The following SRPK2 variants were observed in gnomAD, a reference collection of about 807,000 sequenced individuals.
SRPK2 encodes the protein SRSF protein kinase 2.
In SRPK2, 21 loss-of-function variants were observed where a neutral mutation model predicts 90.8. The observed-to-expected ratio is 0.23, with a 90% CI of 0.16 to 0.33. The LOEUF is 0.33. SRPK2 is among the 10% of genes least tolerant of loss of function. SRPK2 has a pLI of 1.00. For synonymous variants in SRPK2, 288 were observed against 311.1 expected, an observed-to-expected ratio of 0.93 and a Z score of 0.78; for missense variants, 620 against 869.0, an observed-to-expected ratio of 0.71 and a Z score of 3.60.
chr7:105,362,917 C>G (rs564500576), intron 2 of SRPK2, among the ~76,000 whole-genome samples: 8 of 152,270 alleles, frequency 5.3e-5, no homozygotes, highest in African/African-American at 1.9e-4. Flanking sequence ...TGGAAACCAT[C>G]ATTCTAAGCA....
chr7:105,124,657 A>AAAAAAAAAAAAAAAAAC (rs1562954925), intron 15 of SRPK2, among the ~76,000 whole-genome samples: 2 of 150,306 alleles, frequency 1.3e-5, no homozygotes, highest in Non-Finnish European at 3.0e-5. Context: ...AAAAAAAAAA[A>AAAAAAAAAAAAAAAAAC]AATCAATGTG....
chr7:105,343,385 G>A (rs1194189971), intron 2 of SRPK2, among the ~76,000 whole-genome samples: 1 of 152,116 alleles, frequency 6.6e-6, no homozygotes, highest in Non-Finnish European at 1.5e-5. Context: ...AGTAAGCCAA[G>A]GTTTCACCAA....
chr7:105,291,271 A>G (rs1254454389), intron 2 of SRPK2, among the ~76,000 whole-genome samples: 1 of 152,200 alleles, frequency 6.6e-6, no homozygotes. Flanking sequence ...AGTAGGGCAG[A>G]AATAAAATGA....
chr7:105,379,372 G>A (rs936387906), intron 2 of SRPK2, among the ~76,000 whole-genome samples: 2 of 152,102 alleles, frequency 1.3e-5, no homozygotes, highest in African/African-American at 4.8e-5. Context: ...ACAGGAGGAT[G>A]TGTGAAGGTT....
At chr7:105,196,618 C>T (rs144350731) in intron 3 of SRPK2, among the ~76,000 whole-genome samples, 148 of 152,350 alleles carry the variant, frequency 9.7e-4, no homozygotes, top group African/African-American at 3.4e-3. Flanking sequence ...GGGTCAAAAC[C>T]GCACCCAGCG....
chr7:105,132,769 C>T, intron 13 of SRPK2, 22 bp downstream of exon 13: 1 of 1,583,354 alleles, frequency 6.3e-7, no homozygotes, highest in Non-Finnish European at 8.6e-7. Context: ...CCCATGGCAG[C>T]AAAGGGCACA....
intron 2 of SRPK2, among the ~76,000 whole-genome samples, chr7:105,378,109 C>A (rs1820520894): frequency 6.6e-6 from 1 of 152,152 alleles, no homozygotes; most frequent in Non-Finnish European, 1.5e-5. Context: ...ACCTGCTTGA[C>A]ATTCCAAGAC....
At chr7:105,231,061 G>A (rs867366137) in intron 2 of SRPK2, among the ~76,000 whole-genome samples, 4 of 151,964 alleles carry the variant, frequency 2.6e-5, no homozygotes, top group African/African-American at 7.3e-5. Flanking sequence ...TAGTTAATTC[G>A]TCTGCCCCTC....
At chr7:105,125,988 C>A in intron 15 of SRPK2, 1 of 659,524 alleles carries the variant, frequency 1.5e-6, no homozygotes, top group Non-Finnish European at 2.5e-6. Flanking sequence ...ACTTGAATGA[C>A]CAAAAGTACA....
intron 2 of SRPK2, among the ~76,000 whole-genome samples, chr7:105,233,263 A>T (rs1443827092): frequency 1.3e-5 from 2 of 152,210 alleles, no homozygotes; most frequent in Admixed American, 1.3e-4. Flanking sequence ...ATCGCATCTG[A>T]AACTAAGCAG....
intron 3 of SRPK2, among the ~76,000 whole-genome samples, chr7:105,183,262 AGAGAAT>A: frequency 6.6e-6 from 1 of 152,350 alleles, no homozygotes; most frequent in East Asian, 1.9e-4. Context: ...AAAAAACCCT[AGAGAAT>A]AAGAGCTCAC....
chr7:105,163,405 G>C (rs1227594501), intron 6 of SRPK2, among the ~76,000 whole-genome samples: 1 of 152,084 alleles, frequency 6.6e-6, no homozygotes, highest in African/African-American at 2.4e-5. Context: ...CAAATAAATC[G>C]GCAGTTTACA....
At chr7:105,250,444 GA>G (rs1430659959) in intron 2 of SRPK2, among the ~76,000 whole-genome samples, 3 of 152,136 alleles carry the variant, frequency 2.0e-5, no homozygotes, top group Non-Finnish European at 2.9e-5. Context: ...TGCATCACTG[GA>G]CAAAAGTTGG....
chr7:105,297,493 T>C, intron 2 of SRPK2: 1 of 985,400 alleles, frequency 1.0e-6, no homozygotes, highest in Non-Finnish European at 1.2e-6. Flanking sequence ...GCCCCTCAGA[T>C]GTATCAACAT....
intron 11 of SRPK2, among the ~76,000 whole-genome samples, chr7:105,135,859 G>C (rs927999286): frequency 4.0e-5 from 6 of 151,266 alleles, no homozygotes; most frequent in Non-Finnish European, 8.8e-5. Flanking sequence ...CCACCTCCTA[G>C]ATTCAAGCAA....
At chr7:105,219,763 A>C (rs1281976157) in intron 2 of SRPK2, among the ~76,000 whole-genome samples, 3 of 152,242 alleles carry the variant, frequency 2.0e-5, no homozygotes, top group African/African-American at 7.2e-5. Context: ...AGTGATCATA[A>C]ACTTTTAAAA....
chr7:105,354,928 T>C (rs889212090), intron 2 of SRPK2, among the ~76,000 whole-genome samples: 1 of 152,096 alleles, frequency 6.6e-6, no homozygotes, highest in Non-Finnish European at 1.5e-5. Context: ...TAGGTAACCA[T>C]AAATCTACTT....
At chr7:105,306,313 A>C in intron 2 of SRPK2, 1 of 320,998 alleles carries the variant, frequency 3.1e-6, no homozygotes, top group Non-Finnish European at 6.0e-6. Flanking sequence ...CTTAATCAGA[A>C]CCTGACGGAT....
chr7:105,280,163 C>G (rs1807072188), intron 2 of SRPK2, among the ~76,000 whole-genome samples: 1 of 152,120 alleles, frequency 6.6e-6, no homozygotes, highest in Admixed American at 6.5e-5. Context: ...CGCCTGTACC[C>G]CAGTACTTTG....
Sources: allele counts gnomAD v4.1 joint callset (sites outside exome capture counted in the v4.1 genomes callset), GRCh38; gene constraint gnomAD v4.1.1; transcripts MANE v1.5; gene names NCBI Gene and HGNC (gene_info 2026-07-23, HGNC 2026-07-21).